Variants in CCNT2 observed in about 807,000 individuals in gnomAD.
CCNT2 encodes the protein cyclin T2.
In CCNT2, 18 loss-of-function variants were observed where a neutral mutation model predicts 70.0. That is an observed-to-expected ratio of 0.26 (90% confidence interval 0.18 to 0.38). The LOEUF is 0.38. Among genes scored for constraint, CCNT2 ranks in the 10% least tolerant of loss-of-function variants. CCNT2 has a pLI of 1.00. For missense variants in CCNT2, 734 were observed against 890.2 expected, an observed-to-expected ratio of 0.82 and a Z score of 2.23; for synonymous variants, 334 against 313.3, an observed-to-expected ratio of 1.07 and a Z score of -0.70.
chr2:134,947,560 G>C (rs1297391758), intron 6 of CCNT2, among the ~76,000 whole-genome samples, 176 bp from the exon 7 acceptor site: 2 of 152,096 alleles, frequency 1.3e-5, no homozygotes, highest in African/African-American at 4.8e-5. Flanking sequence ...ATTTTATGTA[G>C]ATTTTTTAGT....
chr2:134,948,186 G>A (rs1172405557), intron 7 of CCNT2, among the ~76,000 whole-genome samples: 1 of 152,080 alleles, frequency 6.6e-6, no homozygotes, highest in Non-Finnish European at 1.5e-5. Flanking sequence ...GGGTGTGGTG[G>A]TGCGTGCCTA....
intron 2 of CCNT2, among the ~76,000 whole-genome samples, chr2:134,933,764 A>G (rs1425633587): frequency 6.6e-6 from 1 of 152,240 alleles, no homozygotes; most frequent in Non-Finnish European, 1.5e-5. Flanking sequence ...CAACATTAAC[A>G]TGCACAATTT....
Position 134,957,754 on chromosome 2 carries a change from T to C in CCNT2, c.*3106T>C, listed in dbSNP as rs568784998. ...TTTGAAAGCAGTTAAATGTGCACCTTGGTCTTCCTCCGTGTGTTCAGATTC... is the reference window on the plus strand; with the variant it reads ...TTTGAAAGCAGTTAAATGTGCACCTCGGTCTTCCTCCGTGTGTTCAGATTC... On this transcript the variant is annotated 3_prime_UTR_variant, in exon 9 of 9. Coordinates refer to ENST00000264157, the MANE Select transcript of CCNT2 (RefSeq NM_058241.3). 1.1e-4 allele frequency: 17 copies of C among 152,232 alleles called. No individual in the cohort carries two copies. Among genetic ancestry groups the C allele is most frequent in the Non-Finnish European group, 2.1e-4 (14 of 68,036 alleles). The allele number at this position is 152,232 out of a possible 1,614,324, so 9.4% of individuals were successfully genotyped here. A position where few individuals can be genotyped will look rare whatever the true frequency, so the allele number is the denominator to read the frequency against.
At chr2:134,925,222 T>C (rs4953937) in intron 2 of CCNT2, among the ~76,000 whole-genome samples, 1 of 151,954 alleles carries the variant, frequency 6.6e-6, no homozygotes, top group Non-Finnish European at 1.5e-5. Context: ...TTCTTACAAA[T>C]TGGTATTTTT....
In CCNT2 at chr2:134,957,685, T is replaced by C. The variant is rs191651086; in HGVS notation, c.*3037T>C. ...AACCTCACAGTTTCCTAATTGCAGG[T>C]ATGTAAATACCAAAAAAGTCCTGTT... On this transcript the variant is annotated 3_prime_UTR_variant, in exon 9 of 9. Transcript: ENST00000264157. The C allele has an allele frequency of 2.0e-5, 3 of 152,284 alleles. No homozygotes were observed. The highest frequency in any genetic ancestry group is 6.5e-5 in the Admixed American group (1 of 15,288). The allele number at this position is 152,284 out of a possible 1,614,324, so 9.4% of individuals were successfully genotyped here. A position where few individuals can be genotyped will look rare whatever the true frequency, so the allele number is the denominator to read the frequency against.
Position 134,947,032 on chromosome 2 carries a change from C to G in CCNT2, c.540-704C>G, listed in dbSNP as rs149172935. ...TATCCCCAGTAATTCTGAACAGCAA[C>G]ATAAAAAGACTTAAATTTGGAACTT... On this transcript the variant is annotated intron_variant, in intron 6 of 8. Coordinates refer to ENST00000264157, the MANE Select transcript of CCNT2 (RefSeq NM_058241.3). Among the ~76,000 whole-genome samples the G allele has an allele frequency of 2.3e-3, 351 of 152,220 alleles. 1 individual carries two copies. The highest frequency in any genetic ancestry group is 3.4e-3 in the Non-Finnish European group (232 of 68,008).
chr2:134,933,336 A>G (rs1680919695), intron 2 of CCNT2, among the ~76,000 whole-genome samples: 1 of 152,254 alleles, frequency 6.6e-6, no homozygotes, highest in Admixed American at 6.5e-5. Context: ...GAATACAGCC[A>G]TCTTGGGTGA....
intron 7 of CCNT2, among the ~76,000 whole-genome samples, chr2:134,951,662 G>T (rs541381506): frequency 6.6e-6 from 1 of 152,066 alleles, no homozygotes; most frequent in African/African-American, 2.4e-5. Context: ...TCAACATAGC[G>T]AGACCCTGTC....
intron 2 of CCNT2, among the ~76,000 whole-genome samples, chr2:134,923,251 A>G (rs183596648): frequency 1.3e-5 from 2 of 152,334 alleles, no homozygotes; most frequent in East Asian, 3.9e-4. Flanking sequence ...ACTGCACTCC[A>G]ACCTGGGCAA....
chr2:134,949,123 C>T (rs937755367), intron 7 of CCNT2, among the ~76,000 whole-genome samples: 3 of 152,106 alleles, frequency 2.0e-5, no homozygotes, highest in African/African-American at 7.2e-5. Flanking sequence ...CAGGTTCAAG[C>T]GATTCTCCTG....
At chr2:134,952,462 A>G (rs556735185) in intron 7 of CCNT2, among the ~76,000 whole-genome samples, 179 bp from the exon 8 acceptor site, 1 of 152,254 alleles carries the variant, frequency 6.6e-6, no homozygotes. Flanking sequence ...TTACAAAAGG[A>G]TTCAGCTTTG....
chr2:134,949,657 GA>G (rs1313155426), intron 7 of CCNT2, among the ~76,000 whole-genome samples: 2 of 152,162 alleles, frequency 1.3e-5, no homozygotes, highest in Non-Finnish European at 2.9e-5. Flanking sequence ...TTATCCAGAG[GA>G]AAGGAAGTCT....
intron 7 of CCNT2, 76 bp downstream of exon 7, chr2:134,947,975 C>A: frequency 3.8e-6 from 3 of 788,120 alleles, no homozygotes; most frequent in South Asian, 6.1e-5. Flanking sequence ...TAGAAAGTGT[C>A]AGTACACTAT....
chr2:134,925,856 T>C (rs1463749747), intron 2 of CCNT2, among the ~76,000 whole-genome samples: 1 of 145,594 alleles, frequency 6.9e-6, no homozygotes, highest in African/African-American at 2.6e-5. Context: ...CTTGGATAGC[T>C]GCCTTTTTTT....
intron 6 of CCNT2, 59 bp from the exon 7 acceptor site, chr2:134,947,673 TTTTC>T: frequency 7.9e-7 from 1 of 1,260,954 alleles, no homozygotes; most frequent in South Asian, 2.6e-5. Context: ...TGGTAAATGT[TTTTC>T]TTTGTTTTAC....
chr2:134,943,839 AATTT>A, intron 5 of CCNT2: 1 of 985,334 alleles, frequency 1.0e-6, no homozygotes, highest in Non-Finnish European at 1.2e-6. Flanking sequence ...TTGAAAATAG[AATTT>A]TGCAGTTTCA....
At chr2:134,938,798 T>A (rs571075856) in intron 3 of CCNT2, among the ~76,000 whole-genome samples, 1 of 152,210 alleles carries the variant, frequency 6.6e-6, no homozygotes, top group African/African-American at 2.4e-5. Context: ...TTCTGGTGTT[T>A]GTTTCCTGTT....
chr2:134,953,254 A>G lies in CCNT2; in HGVS notation c.799A>G (p.Lys267Glu). 2 of 1,608,788 alleles carry G rather than the reference A, an allele frequency of 1.2e-6. No individual in the cohort carries two copies. Among genetic ancestry groups the G allele is most frequent in the Non-Finnish European group, 1.7e-6 (2 of 1,175,442 alleles). The change falls in exon 9 of 9, where the codon AAA (lysine) becomes GAA (glutamate). Residue 267 changes from lysine (K) to glutamate (E), a missense_variant. Coordinates refer to ENST00000264157, the MANE Select transcript of CCNT2 (RefSeq NM_058241.3). ...WRANQAARKPKVDGQVSETPL... is the reference protein window; with the variant it reads ...WRANQAARKPEVDGQVSETPL... ...GGCTAATCAGGCAGCTAGGAAACCA[A>G]AAGTAGATGGACAGGTATCAGAGAC...
rs905360271 is a variant in CCNT2 at position 134,953,705 on chromosome 2, G to A, written c.1250G>A (p.Ser417Asn). 1.2e-6 allele frequency: 2 copies of A among 1,613,866 alleles called. No homozygotes were observed. Among genetic ancestry groups the A allele is most frequent in the African/African-American group, 2.7e-5 (2 of 74,910 alleles). The change falls in exon 9 of 9, where the codon AGT becomes AAT. Residue 417 changes from serine (S) to asparagine (N), a missense_variant. Physicochemically the swap from Ser to Asn is conservative, Grantham distance 46. This residue lies in a region of CCNT2 where 532 missense variants were observed against 556.9 expected (regional missense o/e 0.96). Coordinates refer to ENST00000264157, the MANE Select transcript of CCNT2 (RefSeq NM_058241.3). The part of the protein sequence containing the change: ...KQEYTHKAGS[S>N]KHHGPISTTP... Reference sequence around the variant, plus strand: ...GAATATACTCATAAAGCAGGGAGCAGTAAACACCATGGGCCAATTTCCACT... The same window carrying A: ...GAATATACTCATAAAGCAGGGAGCAATAAACACCATGGGCCAATTTCCACT...
Sources: allele counts gnomAD v4.1 joint callset (sites outside exome capture counted in the v4.1 genomes callset), GRCh38; gene constraint gnomAD v4.1.1; regional missense constraint gnomAD v4.1.1; transcripts MANE v1.5; gene names NCBI Gene and HGNC (gene_info 2026-07-23, HGNC 2026-07-21).